Variants in TRPS1 observed in about 807,000 individuals in gnomAD.
The protein encoded by TRPS1 is transcriptional repressor GATA binding 1.
TRPS1 carries 6 observed loss-of-function variants against 101.2 expected under a neutral mutation model. The ratio of observed to expected loss-of-function variants is 0.06; its 90% CI spans 0.03 to 0.12. The LOEUF (loss-of-function observed/expected upper bound fraction) is 0.12. TRPS1 is among the 10% of genes least tolerant of loss of function. TRPS1 has a pLI of 1.00. For synonymous variants in TRPS1, 578 were observed against 589.8 expected (o/e 0.98, Z 0.29); for missense variants, 1,363 against 1,567.0 (o/e 0.87, Z 2.20).
chr8:115,611,021 G>A (rs1818149531), intron 3 of TRPS1, among the ~76,000 whole-genome samples: 1 of 151,806 alleles, frequency 6.6e-6, no homozygotes, highest in South Asian at 2.1e-4. Context: ...GGAGGCTGAG[G>A]TGGGAGAATC....
At chr8:115,611,008 T>C (rs1818149122) in intron 3 of TRPS1, among the ~76,000 whole-genome samples, 1 of 151,352 alleles carries the variant, frequency 6.6e-6, no homozygotes, top group South Asian at 2.1e-4. Context: ...TCCCAGCTAC[T>C]CGGGAGGCTG....
intron 2 of TRPS1, among the ~76,000 whole-genome samples, 174 bp downstream of exon 2, chr8:115,623,427 T>C (rs779627490): frequency 2.6e-5 from 4 of 152,048 alleles, no homozygotes; most frequent in African/African-American, 9.7e-5. Context: ...TAAGCACATT[T>C]GTCATACTTC....
chr8:115,535,247 T>TATATATAGCAC (rs1816268810), intron 5 of TRPS1, among the ~76,000 whole-genome samples: 1 of 75,116 alleles, frequency 1.3e-5, no homozygotes, highest in Non-Finnish European at 2.6e-5. Flanking sequence ...ATATATAGCA[T>TATATATAGCAC]ATATAGCATA....
chr8:115,576,645 A>G (rs1817326134), intron 5 of TRPS1, among the ~76,000 whole-genome samples: 1 of 152,158 alleles, frequency 6.6e-6, no homozygotes, highest in African/African-American at 2.4e-5. Flanking sequence ...AAGAGCAAAA[A>G]GAAAAAATAA....
At chr8:115,429,028 A>C (rs1252515790) in intron 5 of TRPS1, among the ~76,000 whole-genome samples, 3 of 152,162 alleles carry the variant, frequency 2.0e-5, no homozygotes, top group African/African-American at 7.2e-5. Context: ...CTGATTTCTA[A>C]AGTTTTAATA....
At chr8:115,662,968 T>G (rs1811840317) in intron 1 of TRPS1, among the ~76,000 whole-genome samples, 1 of 152,066 alleles carries the variant, frequency 6.6e-6, no homozygotes, top group Non-Finnish European at 1.5e-5. Flanking sequence ...CTGTGGCCAT[T>G]GATAACCTTA....
intron 5 of TRPS1, among the ~76,000 whole-genome samples, chr8:115,446,917 A>G (rs1813751475): frequency 6.6e-6 from 1 of 152,170 alleles, no homozygotes; most frequent in Non-Finnish European, 1.5e-5. Flanking sequence ...TTGGGATGAC[A>G]CATTTCCTGG....
In TRPS1 at chr8:115,604,573, C is replaced by G. The variant is rs771188757; in HGVS notation, c.1396G>C (p.Glu466Gln). The G allele has an allele frequency of 2.5e-6, 4 of 1,613,924 alleles. No homozygotes were observed. The Admixed American group carries it at 6.7e-5, about 27-fold the overall frequency. Residue 466 changes from glutamate to glutamine, a missense_variant, in exon 4 of 7, where the codon GAA becomes CAA. Transcript: ENST00000395715. The surrounding 1 kb of genome is among the most constrained non-coding windows in gnomAD (Gnocchi z 4.1). Reference sequence around the variant, plus strand: ...GCTCCGTGCTGCTTGCCATAATGTTCTAGCAGTTTAAGTGAGCTAGATGAC... The same window carrying G: ...GCTCCGTGCTGCTTGCCATAATGTTGTAGCAGTTTAAGTGAGCTAGATGAC... ...CESSSSLKLLEHYGKQHGAVQ... is the reference protein window; with the variant it reads ...CESSSSLKLLQHYGKQHGAVQ...
In TRPS1 at chr8:115,497,806, C is replaced by T. The variant is rs76970829; in HGVS notation, c.2701-79354G>A. ...ATAAGCCTTTGTAAAGGGCATTGTT[C>T]ATATGCCTGGGTTTTGATTGTGGGC... On this transcript the variant is annotated intron_variant, in intron 5 of 6. Transcript: ENST00000395715. Among the ~76,000 whole-genome samples, 204 of 152,230 alleles carry T rather than the reference C, an allele frequency of 1.3e-3. 3 individuals carry two copies. In the East Asian group the frequency reaches 0.034, roughly 26 times the overall value.
At chr8:115,496,817 G>C (rs531654972) in intron 5 of TRPS1, among the ~76,000 whole-genome samples, 1 of 152,086 alleles carries the variant, frequency 6.6e-6, no homozygotes, top group Non-Finnish European at 1.5e-5. Flanking sequence ...ACAACAGTTA[G>C]CAGTTTTCTA....
At chr8:115,549,082 A>G (rs1054751870) in intron 5 of TRPS1, among the ~76,000 whole-genome samples, 3 of 152,244 alleles carry the variant, frequency 2.0e-5, no homozygotes, top group African/African-American at 4.8e-5. Context: ...CATTCTGGGC[A>G]GAATATATAA....
At chr8:115,668,180 A>T in intron 1 of TRPS1, 1 of 536,210 alleles carries the variant, frequency 1.9e-6, no homozygotes, top group East Asian at 3.2e-5. Context: ...TGGTTTCCAA[A>T]GCTCAGATGC....
At chr8:115,540,846 C>T (rs1481218013) in intron 5 of TRPS1, among the ~76,000 whole-genome samples, 3 of 151,598 alleles carry the variant, frequency 2.0e-5, no homozygotes, top group Non-Finnish European at 4.4e-5. Flanking sequence ...TAATATATAC[C>T]CATGAAAATT....
intron 3 of TRPS1, among the ~76,000 whole-genome samples, chr8:115,615,695 A>C (rs1002188438): frequency 1.3e-5 from 2 of 152,176 alleles, no homozygotes; most frequent in Admixed American, 1.3e-4. Context: ...TGGGAGGCGG[A>C]GGTTGCAGTG....
intron 1 of TRPS1, among the ~76,000 whole-genome samples, chr8:115,652,937 T>A (rs112024333): frequency 6.6e-6 from 1 of 152,168 alleles, no homozygotes; most frequent in Non-Finnish European, 1.5e-5. Context: ...TACTGATTTA[T>A]CAGGAGGGCA....
At chr8:115,625,656 A>G (rs1220755450) in intron 1 of TRPS1, among the ~76,000 whole-genome samples, 1 of 151,946 alleles carries the variant, frequency 6.6e-6, no homozygotes, top group African/African-American at 2.4e-5. Flanking sequence ...CTTAAAAAGC[A>G]AAGAAAATGA....
intron 5 of TRPS1, among the ~76,000 whole-genome samples, chr8:115,544,175 C>A (rs1316805818): frequency 1.3e-5 from 2 of 149,602 alleles, no homozygotes; most frequent in African/African-American, 4.9e-5. Context: ...GAGGAAGGAT[C>A]TAGTATGAAA....
chr8:115,550,756 T>C (rs759710207), intron 5 of TRPS1, among the ~76,000 whole-genome samples: 3 of 152,200 alleles, frequency 2.0e-5, no homozygotes, highest in Admixed American at 2.0e-4. Flanking sequence ...ATAACTACCC[T>C]GCAAGTCTCT....
chr8:115,568,278 G>A (rs1817116700), intron 5 of TRPS1, among the ~76,000 whole-genome samples: 2 of 152,028 alleles, frequency 1.3e-5, no homozygotes, highest in South Asian at 4.1e-4. Context: ...GTATATACAT[G>A]CACATATATG....
Sources: gnomAD v4.1 joint callset for allele counts (sites outside exome capture counted in the v4.1 genomes callset) on GRCh38, gnomAD v4.1.1 for gene constraint, Gnocchi (gnomAD v3.1) non-coding constraint, MANE v1.5 for transcripts, NCBI Gene and HGNC (gene_info 2026-07-23, HGNC 2026-07-21) for gene names.